SLC25A27: variants seen among roughly 807,000 people sequenced by gnomAD.
SLC25A27 encodes the protein mitochondrial uncoupling protein 4.
In SLC25A27, 35 loss-of-function variants were observed where a neutral mutation model predicts 49.1. That is an observed-to-expected ratio of 0.71 (90% CI 0.54 to 0.95). The LOEUF (loss-of-function observed/expected upper bound fraction) is 0.95, where lower values mean the gene tolerates loss of function less well. Among genes scored for constraint, SLC25A27 ranks in the 40% least tolerant of loss-of-function variants. SLC25A27 has a pLI of 0.00. For synonymous variants in SLC25A27, 144 were observed against 136.9 expected, an observed-to-expected ratio of 1.05 and a Z score of -0.36; for missense variants, 339 against 397.1, an observed-to-expected ratio of 0.85 and a Z score of 1.24.
In SLC25A27 at chr6:46,671,222, G is replaced by A. The variant is rs1344611833; in HGVS notation, c.894G>A (p.Leu298=). 1.3e-6 allele frequency: 2 copies of A among 1,537,994 alleles called. No homozygotes were observed. Among genetic ancestry groups the A allele is most frequent in the Non-Finnish European group, 1.8e-6 (2 of 1,138,054 alleles). ...SLYKGFLPSW[L]RMTPWSMVFW... is the part of the protein sequence containing the mutation. Reference sequence around the variant, plus strand: ...ATAAAGGCTTTTTACCATCTTGGCTGAGAATGGTAAAGTTAGGTTTACTTC... The same window carrying A: ...ATAAAGGCTTTTTACCATCTTGGCTAAGAATGGTAAAGTTAGGTTTACTTC... Residue 298 remains leucine, a synonymous_variant, in exon 8 of 9, where the codon CTG becomes CTA. Transcript: ENST00000371347.
Position 46,655,535 on chromosome 6 carries a change from G to GTTTTTTTTTT in SLC25A27, c.107-279_107-270dup, listed in dbSNP as rs773585919. Among the ~76,000 whole-genome samples the GTTTTTTTTTT allele has an allele frequency of 1.8e-3, 19 of 10,714 alleles. 2 individuals are homozygous for GTTTTTTTTTT. Among genetic ancestry groups the GTTTTTTTTTT allele is most frequent in the East Asian group, 3.9e-3 (1 of 256 alleles). The allele number at this position is 10,714 out of a possible 152,430, so 7.0% of individuals were successfully genotyped here. On this transcript the variant is annotated intron_variant, in intron 1 of 8. Transcript: ENST00000371347. ...ATTTTAATTTTTATTGTTAATGTTTGTTTTTTTTTTTTTTTTTTTTTTTTT... is the reference window on the plus strand; with the variant it reads ...ATTTTAATTTTTATTGTTAATGTTTGTTTTTTTTTTTTTTTTTTTTTTTTTTTTTTTTTTT...
At chr6:46,660,504 C>A (rs1763130035) in intron 3 of SLC25A27, among the ~76,000 whole-genome samples, 1 of 152,082 alleles carries the variant, frequency 6.6e-6, no homozygotes, top group African/African-American at 2.4e-5. Flanking sequence ...ATAAATGCTT[C>A]TACATATGCA....
intron 3 of SLC25A27, 122 bp from the exon 4 acceptor site, chr6:46,662,254 A>G: frequency 2.5e-6 from 2 of 790,064 alleles, no homozygotes; most frequent in Admixed American, 2.7e-5. Flanking sequence ...TTACTTGGGT[A>G]TATCCTTTTC....
chr6:46,657,087 A>C (rs1763008242), intron 2 of SLC25A27, among the ~76,000 whole-genome samples: 1 of 152,178 alleles, frequency 6.6e-6, no homozygotes. Flanking sequence ...AACAGCTTGA[A>C]TCCAGGAATT....
chr6:46,677,995 T>C lies in SLC25A27; in HGVS notation c.*1541T>C, dbSNP rs962455898. On this transcript the variant is annotated 3_prime_UTR_variant, in exon 9 of 9. Transcript: ENST00000371347. ...AATATTTAGATGGTCTACTTTTTCATTGAATTTGTCAATATGTAATTGCGT... is the reference window on the plus strand; with the variant it reads ...AATATTTAGATGGTCTACTTTTTCACTGAATTTGTCAATATGTAATTGCGT... 2.8e-5 allele frequency: 4 copies of C among 140,572 alleles called. No homozygotes were observed. Among genetic ancestry groups the C allele is most frequent in the Admixed American group, 7.5e-5 (1 of 13,300 alleles). The allele number at this position is 140,572 out of a possible 1,614,324, so 8.7% of individuals were successfully genotyped here. A position where few individuals can be genotyped will look rare whatever the true frequency, so the allele number is the denominator to read the frequency against.
intron 2 of SLC25A27, among the ~76,000 whole-genome samples, chr6:46,656,449 G>T (rs534446110): frequency 2.0e-5 from 3 of 151,738 alleles, no homozygotes; most frequent in South Asian, 4.2e-4. Flanking sequence ...GAGTTCAAGC[G>T]ATTCTCCTGC....
chr6:46,675,628 A>C (rs911334639), intron 8 of SLC25A27, among the ~76,000 whole-genome samples: 4 of 152,208 alleles, frequency 2.6e-5, no homozygotes, highest in Non-Finnish European at 4.4e-5. Context: ...AATTTTGATT[A>C]GAACTGAATT....
chr6:46,668,764 G>A lies in SLC25A27; in HGVS notation c.675G>A (p.Glu225=). 1.2e-6 allele frequency: 2 copies of A among 1,608,112 alleles called. No individual in the cohort carries two copies. The highest frequency in any genetic ancestry group is 1.7e-6 in the Non-Finnish European group (2 of 1,175,094). The change falls in exon 6 of 9, where the codon GAG becomes GAA. Residue 225 remains glutamate (E), a synonymous_variant. Coordinates refer to ENST00000371347, the MANE Select transcript of SLC25A27 (RefSeq NM_004277.5). ...ACTTGGTATTGAATACACCACTTGAGGACAATATCATGACTCACGGTTTAT... is the reference window on the plus strand; with the variant it reads ...ACTTGGTATTGAATACACCACTTGAAGACAATATCATGACTCACGGTTTAT... The part of the protein sequence containing the change: ...KHYLVLNTPL[E]DNIMTHGLSS...
At chr6:46,675,314 A>G (rs1161730323) in intron 8 of SLC25A27, among the ~76,000 whole-genome samples, 1 of 152,140 alleles carries the variant, frequency 6.6e-6, no homozygotes, top group African/African-American at 2.4e-5. Flanking sequence ...GTTCTTAACT[A>G]AGACCTCTAC....
At chr6:46,658,258 T>C (rs1464708120) in intron 2 of SLC25A27, among the ~76,000 whole-genome samples, 2 of 152,226 alleles carry the variant, frequency 1.3e-5, no homozygotes, top group Admixed American at 1.3e-4. Context: ...TCTTAAAATA[T>C]TTCATCAACT....
chr6:46,664,807 C>T lies in SLC25A27; in HGVS notation c.540C>T (p.Ile180=). ...GTGTACATCATGCATTTGCAAAAAT[C>T]TTAGCTGAAGGAGGAATACGAGGGC... is the stretch of plus-strand genomic sequence containing the variant. ...FRGVHHAFAK[I]LAEGGIRGLW... is the part of the protein sequence containing the mutation. Residue 180 remains isoleucine, a synonymous_variant, in exon 5 of 9, where the codon ATC becomes ATT. Coordinates refer to ENST00000371347, the MANE Select transcript of SLC25A27 (RefSeq NM_004277.5). The T allele has an allele frequency of 6.2e-7, 1 of 1,609,430 alleles. No homozygotes were observed. Among genetic ancestry groups the T allele is most frequent in the Non-Finnish European group, 8.5e-7 (1 of 1,177,532 alleles).
chr6:46,653,643 T>C (rs1762850931), intron 1 of SLC25A27: 1 of 985,204 alleles, frequency 1.0e-6, no homozygotes, highest in South Asian at 4.7e-5. Flanking sequence ...TTTCCATCCT[T>C]ACTGAGATCA....
At chr6:46,668,292 C>T (rs923075029) in intron 5 of SLC25A27, among the ~76,000 whole-genome samples, 1 of 152,182 alleles carries the variant, frequency 6.6e-6, no homozygotes, top group African/African-American at 2.4e-5. Flanking sequence ...GAGCCGCGAT[C>T]ACGCCACTGC....
rs369700969 is a variant in SLC25A27 at position 46,668,778 on chromosome 6, C to T, written c.689C>T (p.Thr230Ile). 4.4e-6 allele frequency: 7 copies of T among 1,596,586 alleles called. No individual in the cohort carries two copies. In the African/African-American group the frequency reaches 9.4e-5, roughly 21 times the overall value. ...LNTPLEDNIM[T>I]HGLSSLCSGL... ...ACACCACTTGAGGACAATATCATGACTCACGGTTTATCAAGGTAAGGATTG... is the reference window on the plus strand; with the variant it reads ...ACACCACTTGAGGACAATATCATGATTCACGGTTTATCAAGGTAAGGATTG... Residue 230 changes from threonine to isoleucine, a missense_variant, in exon 6 of 9, where the codon ACT (threonine) becomes ATT (isoleucine). Coordinates refer to ENST00000371347, the MANE Select transcript of SLC25A27 (RefSeq NM_004277.5).
At chr6:46,670,353 AT>A (rs571936197) in intron 7 of SLC25A27, 126 bp downstream of exon 7, 133 of 656,732 alleles carry the variant, frequency 2.0e-4, no homozygotes, top group South Asian at 9.4e-4. Context: ...AATTGAGCGC[AT>A]TTTTTTTATG....
rs1209099187 is a variant in SLC25A27 at position 46,665,401 on chromosome 6, C to T, written c.619+515C>T. ...CAAATATTTCTTAAAAGTTTTTCCC[C>T]TCCGCCGGGTGCGGTGGCTCACACC... On this transcript the variant is annotated intron_variant, in intron 5 of 8. Transcript: ENST00000371347. 2.6e-5 allele frequency among the ~76,000 whole-genome samples: 4 copies of T among 152,096 alleles called. No homozygotes were observed. In the East Asian group the frequency reaches 7.7e-4, roughly 29 times the overall value.
intron 8 of SLC25A27, among the ~76,000 whole-genome samples, chr6:46,672,309 T>G (rs1368649406): frequency 6.7e-6 from 1 of 149,298 alleles, no homozygotes; most frequent in Non-Finnish European, 1.5e-5. Flanking sequence ...ATGGAGAGAG[T>G]CAAGGGGTGA....
At chr6:46,663,201 G>C (rs1763216724) in intron 4 of SLC25A27, among the ~76,000 whole-genome samples, 1 of 152,102 alleles carries the variant, frequency 6.6e-6, no homozygotes, top group Non-Finnish European at 1.5e-5. Context: ...CATGCAGATG[G>C]ATAGACCTTT....
At chr6:46,653,421 T>G (rs1348247544) in intron 1 of SLC25A27, 123 bp downstream of exon 1, 1 of 1,433,834 alleles carries the variant, frequency 7.0e-7, no homozygotes, top group African/African-American at 1.5e-5. Context: ...CATGCCCGCC[T>G]GGCAGAGGTG....
Sources: gnomAD v4.1 joint callset for allele counts (sites outside exome capture counted in the v4.1 genomes callset) on GRCh38, gnomAD v4.1.1 for gene constraint, MANE v1.5 for transcripts, NCBI Gene and HGNC (gene_info 2026-07-23, HGNC 2026-07-21) for gene names.